The following EPC2 variants were observed in gnomAD, a reference collection of about 807,000 sequenced individuals.
EPC2 encodes enhancer of polycomb 2.
Under a neutral mutation model 92.1 loss-of-function variants are expected in EPC2, and 14 were observed. The observed-to-expected ratio is 0.15, with a 90% CI of 0.10 to 0.24. The LOEUF (loss-of-function observed/expected upper bound fraction) is 0.24. Ranked by LOEUF, EPC2 falls within the 10% of genes least tolerant of loss-of-function variation. EPC2 has a pLI of 1.00. For synonymous variants in EPC2, 340 were observed against 334.7 expected, an observed-to-expected ratio of 1.02 and a Z score of -0.17; for missense variants, 755 against 971.5, an observed-to-expected ratio of 0.78 and a Z score of 2.96.
At chr2:148,669,479 C>T (rs1681113125) in intron 1 of EPC2, among the ~76,000 whole-genome samples, 1 of 152,072 alleles carries the variant, frequency 6.6e-6, no homozygotes, top group Admixed American at 6.6e-5. Context: ...GAGTTTGAGA[C>T]CAGACTGGGC....
At chr2:148,715,288 C>T (rs1682235292) in intron 2 of EPC2, among the ~76,000 whole-genome samples, 1 of 152,162 alleles carries the variant, frequency 6.6e-6, no homozygotes, top group Non-Finnish European at 1.5e-5. Context: ...CCACCTCGGC[C>T]TCCCAAATTG....
At position 148,787,079 on chromosome 2, in the gene EPC2, G is replaced by GA. The variant is rs59505782; in HGVS notation, c.*708dup. The GA allele has an allele frequency of 0.14, 21,374 of 152,382 alleles. 2,426 individuals carry two copies. Among genetic ancestry groups the GA allele is most frequent in the East Asian group, 0.46 (2,357 of 5,168 alleles). The allele number at this position is 152,382 out of a possible 1,614,324, so 9.4% of individuals were successfully genotyped here. On this transcript the variant is annotated 3_prime_UTR_variant, in exon 14 of 14. Coordinates refer to ENST00000258484, the MANE Select transcript of EPC2 (RefSeq NM_015630.4). ...CCAATTTATAAAAAATAATTACACA[G>GA]AAAAAATGGAATAGGAAAAATTATG...
intron 7 of EPC2, among the ~76,000 whole-genome samples, chr2:148,766,343 A>C (rs1683407445): frequency 6.6e-6 from 1 of 152,214 alleles, no homozygotes; most frequent in Admixed American, 6.5e-5. Flanking sequence ...GCTGGATTAT[A>C]TTATTTTTAC....
At chr2:148,709,954 A>G (rs965635105) in intron 2 of EPC2, among the ~76,000 whole-genome samples, 1 of 152,234 alleles carries the variant, frequency 6.6e-6, no homozygotes, top group South Asian at 2.1e-4. Flanking sequence ...ATTCATGACT[A>G]AAACACCAAA....
At chr2:148,657,273 A>C (rs922351732) in intron 1 of EPC2, among the ~76,000 whole-genome samples, 1 of 152,150 alleles carries the variant, frequency 6.6e-6, no homozygotes, top group Non-Finnish European at 1.5e-5. Flanking sequence ...TTTCTGTAAA[A>C]GCCAAGTACT....
intron 1 of EPC2, among the ~76,000 whole-genome samples, chr2:148,660,069 A>G (rs1574565636): frequency 6.6e-6 from 1 of 152,294 alleles, no homozygotes; most frequent in South Asian, 2.1e-4. Flanking sequence ...GTGAAGAAGA[A>G]AACACAAATC....
At chr2:148,764,921 C>G in intron 6 of EPC2, 34 bp from the exon 7 acceptor site, 1 of 1,371,684 alleles carries the variant, frequency 7.3e-7, no homozygotes, top group Non-Finnish European at 9.5e-7. Context: ...ATTTTTATTT[C>G]TTCCTTTTGG....
intron 1 of EPC2, among the ~76,000 whole-genome samples, chr2:148,663,194 G>GTAT (rs56337513): frequency 0.27 from 36,133 of 135,890 alleles, 4,930 homozygotes; most frequent in Non-Finnish European, 0.31. Flanking sequence ...CTGTGTTTTT[G>GTAT]TATTATTATT....
chr2:148,695,336 G>T (rs1276787618), intron 2 of EPC2, among the ~76,000 whole-genome samples: 1 of 152,206 alleles, frequency 6.6e-6, no homozygotes, highest in African/African-American at 2.4e-5. Context: ...GAAATGTACC[G>T]TTTGTGTCTG....
intron 8 of EPC2, among the ~76,000 whole-genome samples, chr2:148,769,989 A>T (rs1683484934): frequency 6.6e-6 from 1 of 152,138 alleles, no homozygotes; most frequent in Non-Finnish European, 1.5e-5. Context: ...TGATAAAATG[A>T]TGAAGGGAAT....
chr2:148,728,454 G>C (rs901435458), intron 2 of EPC2, among the ~76,000 whole-genome samples: 6 of 151,480 alleles, frequency 4.0e-5, no homozygotes, highest in African/African-American at 1.5e-4. Flanking sequence ...TAGAAAAAAC[G>C]AACTTAAGGC....
At chr2:148,705,599 A>G (rs1681982308) in intron 2 of EPC2, among the ~76,000 whole-genome samples, 1 of 151,946 alleles carries the variant, frequency 6.6e-6, no homozygotes, top group Admixed American at 6.6e-5. Flanking sequence ...CACCTCATAC[A>G]ACTGGGTGCC....
chr2:148,748,640 C>T (rs1405659530), intron 3 of EPC2, among the ~76,000 whole-genome samples: 1 of 152,100 alleles, frequency 6.6e-6, no homozygotes, highest in Middle Eastern at 3.2e-3. Flanking sequence ...CAACTGTAAA[C>T]ATGAAATGTA....
chr2:148,713,970 A>G (rs992253894), intron 2 of EPC2, among the ~76,000 whole-genome samples: 11 of 152,144 alleles, frequency 7.2e-5, no homozygotes, highest in African/African-American at 1.9e-4. Context: ...AACATGTGCC[A>G]TGGTGATTAG....
intron 1 of EPC2, among the ~76,000 whole-genome samples, chr2:148,669,250 T>A (rs1432000979): frequency 6.6e-6 from 1 of 152,222 alleles, no homozygotes; most frequent in East Asian, 1.9e-4. Flanking sequence ...CCTCTCCCTC[T>A]TTTTCTGCCA....
chr2:148,687,671 T>C (rs759907609), intron 1 of EPC2, among the ~76,000 whole-genome samples: 54 of 152,236 alleles, frequency 3.5e-4, no homozygotes, highest in Non-Finnish European at 6.9e-4. Flanking sequence ...TATGACTTGA[T>C]TGGATCTGAC....
intron 1 of EPC2, among the ~76,000 whole-genome samples, chr2:148,654,097 C>T (rs1270217979): frequency 6.6e-6 from 1 of 151,838 alleles, no homozygotes; most frequent in Non-Finnish European, 1.5e-5. Flanking sequence ...TATAGGCACA[C>T]GCCACCACGC....
intron 2 of EPC2, among the ~76,000 whole-genome samples, chr2:148,739,829 TC>T (rs1682843381): frequency 2.9e-5 from 3 of 104,090 alleles, no homozygotes; most frequent in Middle Eastern, 5.0e-3. Context: ...CTTTTCTTCT[TC>T]TTCTTTTTTT....
At chr2:148,728,408 C>T (rs2105395815) in intron 2 of EPC2, among the ~76,000 whole-genome samples, 1 of 150,552 alleles carries the variant, frequency 6.6e-6, no homozygotes, top group African/African-American at 2.4e-5. Context: ...CATAATAGTC[C>T]ATTGTTTGGG....
Sources: gnomAD v4.1 joint callset for allele counts (sites outside exome capture counted in the v4.1 genomes callset) on GRCh38, gnomAD v4.1.1 for gene constraint, MANE v1.5 for transcripts, NCBI Gene and HGNC (gene_info 2026-07-23, HGNC 2026-07-21) for gene names.